Variants in SH3GL2 observed in about 807,000 individuals in gnomAD.
SH3GL2 encodes SH3 domain containing GRB2 like 2, endophilin A1, also known as endophilin-A1.
A neutral mutation model predicts 46.0 loss-of-function variants in SH3GL2; 24 were observed. The ratio of observed to expected loss-of-function variants is 0.52; its 90% CI spans 0.38 to 0.73. The LOEUF is 0.73. Ranked by LOEUF, SH3GL2 falls within the 30% of genes least tolerant of loss-of-function variation. SH3GL2 has a pLI of 0.00. For synonymous variants in SH3GL2, 196 were observed against 147.1 expected, an observed-to-expected ratio of 1.33 and a Z score of -2.40; for missense variants, 413 against 424.2, an observed-to-expected ratio of 0.97 and a Z score of 0.23.
chr9:17,599,483 G>A (rs1000819410), intron 1 of SH3GL2, among the ~76,000 whole-genome samples: 1 of 152,210 alleles, frequency 6.6e-6, no homozygotes, highest in African/African-American at 2.4e-5. Context: ...GTGTCAATAT[G>A]CAGATTCCCT....
intron 1 of SH3GL2, among the ~76,000 whole-genome samples, chr9:17,620,024 AT>A (rs11438052): frequency 3.9e-5 from 6 of 151,988 alleles, no homozygotes; most frequent in African/African-American, 1.2e-4. Flanking sequence ...ATTTAGTATG[AT>A]TTTTTTTAAA....
At chr9:17,695,531 A>G (rs1033058234) in intron 1 of SH3GL2, among the ~76,000 whole-genome samples, 7 of 152,104 alleles carry the variant, frequency 4.6e-5, no homozygotes, top group Non-Finnish European at 8.8e-5. Context: ...TTAGATCTCA[A>G]TATACTCCTC....
chr9:17,645,771 G>T (rs1479882592), intron 1 of SH3GL2, among the ~76,000 whole-genome samples: 1 of 152,104 alleles, frequency 6.6e-6, no homozygotes, highest in Non-Finnish European at 1.5e-5. Context: ...CCCTTTGTGG[G>T]TAACCTGACC....
intron 1 of SH3GL2, among the ~76,000 whole-genome samples, chr9:17,619,378 A>G (rs1251606635): frequency 6.6e-6 from 1 of 152,168 alleles, no homozygotes; most frequent in African/African-American, 2.4e-5. Context: ...CTGACTACCT[A>G]TTTAAAAGAA....
At chr9:17,738,476 T>C (rs1337007575) in intron 1 of SH3GL2, among the ~76,000 whole-genome samples, 1 of 117,720 alleles carries the variant, frequency 8.5e-6, no homozygotes, top group Admixed American at 8.1e-5. Context: ...ACATACATAC[T>C]TATGTATACA....
chr9:17,617,611 C>T (rs1442652311), intron 1 of SH3GL2, among the ~76,000 whole-genome samples: 1 of 152,192 alleles, frequency 6.6e-6, no homozygotes, highest in South Asian at 2.1e-4. Context: ...TGCCTGTTAA[C>T]ATCTTTCGAG....
chr9:17,776,081 G>T (rs940928392), intron 3 of SH3GL2, among the ~76,000 whole-genome samples: 1 of 152,022 alleles, frequency 6.6e-6, no homozygotes, highest in Non-Finnish European at 1.5e-5. Context: ...AGAAAAATAG[G>T]GTGCGGAGGG....
At chr9:17,598,203 A>C (rs1401586513) in intron 1 of SH3GL2, among the ~76,000 whole-genome samples, 1 of 152,180 alleles carries the variant, frequency 6.6e-6, no homozygotes, top group Non-Finnish European at 1.5e-5. Context: ...TCATTCAAAA[A>C]GTGAACAGGG....
chr9:17,652,236 T>G (rs1819975061), intron 1 of SH3GL2, among the ~76,000 whole-genome samples: 1 of 152,162 alleles, frequency 6.6e-6, no homozygotes, highest in Admixed American at 6.5e-5. Context: ...ATGCCGTAAA[T>G]TTTGGCATGA....
intron 1 of SH3GL2, among the ~76,000 whole-genome samples, chr9:17,597,306 G>C (rs765085051): frequency 5.3e-5 from 8 of 152,136 alleles, no homozygotes; most frequent in Non-Finnish European, 1.2e-4. Flanking sequence ...CAGATCACTT[G>C]AGTTCAGGAG....
At chr9:17,694,235 T>TG (rs35054077) in intron 1 of SH3GL2, among the ~76,000 whole-genome samples, 7 of 152,094 alleles carry the variant, frequency 4.6e-5, no homozygotes, top group African/African-American at 1.7e-4. Flanking sequence ...AAGCTTGTCT[T>TG]GGGGGGCCTT....
chr9:17,767,451 A>G (rs1160098451), intron 3 of SH3GL2, among the ~76,000 whole-genome samples: 1 of 152,196 alleles, frequency 6.6e-6, no homozygotes. Flanking sequence ...TACAGTGATT[A>G]TATTTGGTGA....
intron 1 of SH3GL2, among the ~76,000 whole-genome samples, chr9:17,673,133 C>T (rs750136559): frequency 4.6e-5 from 7 of 151,744 alleles, no homozygotes; most frequent in Non-Finnish European, 1.0e-4. Flanking sequence ...TAGAGTCTCT[C>T]ACCTTGACTT....
intron 1 of SH3GL2, among the ~76,000 whole-genome samples, chr9:17,642,128 CAT>C (rs1588198608): frequency 1.3e-5 from 2 of 152,124 alleles, no homozygotes; most frequent in Admixed American, 1.3e-4. Context: ...GAGCTTTTTT[CAT>C]ATGTTTATTG....
At chr9:17,751,896 A>T (rs1193019314) in intron 2 of SH3GL2, among the ~76,000 whole-genome samples, 4 of 152,292 alleles carry the variant, frequency 2.6e-5, no homozygotes, top group Non-Finnish European at 5.9e-5. Context: ...AGCTCCAAAC[A>T]AGATGAGCTT....
intron 1 of SH3GL2, among the ~76,000 whole-genome samples, chr9:17,743,483 AG>A (rs1373500757): frequency 6.6e-6 from 1 of 151,906 alleles, no homozygotes; most frequent in African/African-American, 2.4e-5. Flanking sequence ...TATAGAGAAG[AG>A]GAAAGCTCTC....
chr9:17,689,604 C>T (rs1325072474), intron 1 of SH3GL2, among the ~76,000 whole-genome samples: 1 of 151,680 alleles, frequency 6.6e-6, no homozygotes, highest in African/African-American at 2.4e-5. Context: ...AGCCCCTCCT[C>T]CTTAGCACTG....
At position 17,743,155 on chromosome 9, in the gene SH3GL2, A is replaced by G. The variant is rs186957978; in HGVS notation, c.46-3911A>G. Among the ~76,000 whole-genome samples, 388 of 152,328 alleles carry G rather than the reference A, an allele frequency of 2.5e-3. 2 individuals are homozygous for G. Among genetic ancestry groups the G allele is most frequent in the African/African-American group, 8.9e-3 (370 of 41,574 alleles). On this transcript the variant is annotated intron_variant, in intron 1 of 8. Coordinates refer to ENST00000380607, the MANE Select transcript of SH3GL2 (RefSeq NM_003026.5). ...GATCCTTATGCATAAAACAAAAGGAAGTTTTAATAACATTTAAAGAAAAGG... is the reference window on the plus strand; with the variant it reads ...GATCCTTATGCATAAAACAAAAGGAGGTTTTAATAACATTTAAAGAAAAGG...
intron 1 of SH3GL2, among the ~76,000 whole-genome samples, chr9:17,639,583 A>C (rs758583313): frequency 4.6e-5 from 7 of 152,210 alleles, no homozygotes; most frequent in Admixed American, 1.3e-4. Flanking sequence ...TTGGGAATGC[A>C]AGTTGGAAAA....
Sources: allele counts gnomAD v4.1 joint callset (sites outside exome capture counted in the v4.1 genomes callset), GRCh38; gene constraint gnomAD v4.1.1; transcripts MANE v1.5; gene names NCBI Gene and HGNC (gene_info 2026-07-23, HGNC 2026-07-21).